Variants in KIAA1958 observed in about 807,000 individuals in gnomAD.
KIAA1958 encodes the protein KIAA1958.
A neutral mutation model predicts 47.2 loss-of-function variants in KIAA1958; 14 were observed. The ratio of observed to expected loss-of-function variants is 0.30; its 90% confidence interval spans 0.20 to 0.46. The LOEUF (loss-of-function observed/expected upper bound fraction) is 0.46. KIAA1958 is among the 20% of genes least tolerant of loss of function. KIAA1958 has a pLI of 1.00. For synonymous variants in KIAA1958, 354 were observed against 353.3 expected (o/e 1.00, Z -0.02); for missense variants, 803 against 909.2 (o/e 0.88, Z 1.50).
intron 1 of KIAA1958, among the ~76,000 whole-genome samples, chr9:112,571,843 AAAG>A (rs748018790): frequency 6.1e-4 from 89 of 146,348 alleles, no homozygotes; most frequent in Non-Finnish European, 1.1e-3. Context: ...TAAAAAATAA[AAAG>A]AAATAAAATA....
At chr9:112,632,929 AAG>A (rs1272755005) in intron 2 of KIAA1958, among the ~76,000 whole-genome samples, 2 of 151,470 alleles carry the variant, frequency 1.3e-5, no homozygotes, top group Middle Eastern at 3.2e-3. Context: ...TTTTTAAAAA[AAG>A]AGCCATTTAG....
chr9:112,617,541 G>A (rs985594871), intron 2 of KIAA1958, among the ~76,000 whole-genome samples: 9 of 152,196 alleles, frequency 5.9e-5, no homozygotes, highest in African/African-American at 1.9e-4. Flanking sequence ...AGGATAAATA[G>A]CACATTTCTG....
intron 1 of KIAA1958, among the ~76,000 whole-genome samples, chr9:112,529,848 T>G (rs1231576520): frequency 6.6e-6 from 1 of 152,046 alleles, no homozygotes. Flanking sequence ...CTTACTTTTT[T>G]TTTTTCTTTT....
chr9:112,489,809 G>A (rs765861598), intron 1 of KIAA1958, among the ~76,000 whole-genome samples: 1 of 152,060 alleles, frequency 6.6e-6, no homozygotes, highest in Non-Finnish European at 1.5e-5. Flanking sequence ...TAAAATCCAT[G>A]GACTTTTCTA....
rs1480173155 is a variant in KIAA1958 at position 112,618,430 on chromosome 9, G to A, written c.1172-27220G>A. 5 of 1,551,152 alleles carry A rather than the reference G, an allele frequency of 3.2e-6. No individual in the cohort carries two copies. The highest frequency in any genetic ancestry group is 2.0e-5 in the Admixed American group (1 of 51,008). On this transcript the variant is annotated intron_variant, in intron 2 of 3. Coordinates refer to ENST00000337530, the MANE Select transcript of KIAA1958 (RefSeq NM_133465.4). This position sits in a 1 kb window ranked among gnomAD's most constrained non-coding sequence, Gnocchi z 7.1. Reference sequence around the variant, plus strand: ...ATATCCGGCTCCGGGTAACAGAGACGGGTCTCGAGTACTTGGAGTGGATGG... The same window carrying A: ...ATATCCGGCTCCGGGTAACAGAGACAGGTCTCGAGTACTTGGAGTGGATGG...
rs370747857 is a variant in KIAA1958 at position 112,659,292 on chromosome 9, C to T, written c.1374C>T (p.Leu458=). ...CTGCAGTGAAGTTGAACGAGCTGCTCGAGAACTTTTATGTCACCGTCAAGA... is the reference window on the plus strand; with the variant it reads ...CTGCAGTGAAGTTGAACGAGCTGCTTGAGAACTTTTATGTCACCGTCAAGA... The part of the protein sequence containing the change: ...KIPAVKLNEL[L]ENFYVTVKKS... The change falls in exon 4 of 4, where the codon CTC becomes CTT. Residue 458 remains leucine, a synonymous_variant. Transcript: ENST00000337530. The T allele has an allele frequency of 3.7e-5, 60 of 1,613,200 alleles. No homozygotes were observed. Among genetic ancestry groups the T allele is most frequent in the Admixed American group, 3.0e-4 (18 of 59,970 alleles).
intron 2 of KIAA1958, among the ~76,000 whole-genome samples, chr9:112,592,186 G>A (rs1393979934): frequency 6.6e-6 from 1 of 152,156 alleles, no homozygotes; most frequent in African/African-American, 2.4e-5. Context: ...GTTGCTTTAC[G>A]AGGAAGTTAA....
chr9:112,631,909 G>A (rs1216032931), intron 2 of KIAA1958, among the ~76,000 whole-genome samples: 2 of 152,094 alleles, frequency 1.3e-5, no homozygotes, highest in Admixed American at 1.3e-4. Context: ...TTTGTTTCCA[G>A]TTTTTTGCTT....
chr9:112,542,789 T>C (rs1834964768), intron 1 of KIAA1958, among the ~76,000 whole-genome samples: 1 of 151,814 alleles, frequency 6.6e-6, no homozygotes, highest in South Asian at 2.1e-4. Context: ...GGCTGAGTGT[T>C]CAGAACAGAC....
chr9:112,570,199 A>G (rs1466117605), intron 1 of KIAA1958, among the ~76,000 whole-genome samples: 1 of 152,248 alleles, frequency 6.6e-6, no homozygotes, highest in Admixed American at 6.5e-5. Context: ...GTTTTTTAAC[A>G]TTGAAGAACC....
intron 1 of KIAA1958, among the ~76,000 whole-genome samples, chr9:112,556,649 T>C (rs1241346026): frequency 2.0e-5 from 3 of 152,206 alleles, no homozygotes; most frequent in Non-Finnish European, 4.4e-5. Context: ...TAGGTTTCTT[T>C]AGTGAACTAG....
intron 2 of KIAA1958, among the ~76,000 whole-genome samples, chr9:112,593,546 G>A (rs1835963345): frequency 6.6e-6 from 1 of 152,070 alleles, no homozygotes; most frequent in Admixed American, 6.6e-5. Flanking sequence ...GGGATGGAGG[G>A]GTGCAGTGGG....
intron 2 of KIAA1958, among the ~76,000 whole-genome samples, chr9:112,606,219 G>A (rs1218955242): frequency 6.6e-6 from 1 of 152,210 alleles, no homozygotes; most frequent in African/African-American, 2.4e-5. Context: ...GGATGGGCAA[G>A]TTTGGGGACA....
chr9:112,660,085 C>T lies in KIAA1958; in HGVS notation c.*16C>T, dbSNP rs1301783161. 10 of 1,605,828 alleles carry T rather than the reference C, an allele frequency of 6.2e-6. 2 individuals carry two copies. In the South Asian group the frequency reaches 7.7e-5, roughly 12 times the overall value. ...CTGCCAGTGAGCCCCCACTGGGGCC[C>T]GGCCACTGCCCTGTCACCTGCTCGG... On this transcript the variant is annotated 3_prime_UTR_variant, in exon 4 of 4. Coordinates refer to ENST00000337530, the MANE Select transcript of KIAA1958 (RefSeq NM_133465.4).
chr9:112,614,891 A>G (rs911943923), intron 2 of KIAA1958, among the ~76,000 whole-genome samples: 2 of 152,180 alleles, frequency 1.3e-5, no homozygotes, highest in African/African-American at 4.8e-5. Context: ...GCAGGTGACA[A>G]CATCCACACC....
intron 1 of KIAA1958, among the ~76,000 whole-genome samples, chr9:112,509,757 C>A (rs190548872): frequency 1.3e-5 from 2 of 152,042 alleles, no homozygotes; most frequent in Non-Finnish European, 2.9e-5. Context: ...TGTTTGGTGC[C>A]CTCTGTGTTT....
chr9:112,543,590 G>A (rs1279367261), intron 1 of KIAA1958, among the ~76,000 whole-genome samples: 1 of 52,362 alleles, frequency 1.9e-5, no homozygotes, highest in Non-Finnish European at 3.9e-5. Context: ...TTTTTTTTTT[G>A]AGACCCAGTT....
chr9:112,581,311 C>T (rs766075834), intron 2 of KIAA1958, among the ~76,000 whole-genome samples: 1 of 151,990 alleles, frequency 6.6e-6, no homozygotes, highest in Admixed American at 6.6e-5. Flanking sequence ...GGATAATAGC[C>T]GCCTTTATTA....
intron 1 of KIAA1958, among the ~76,000 whole-genome samples, chr9:112,562,877 G>A (rs1309915684): frequency 3.3e-5 from 5 of 150,814 alleles, no homozygotes; most frequent in African/African-American, 1.2e-4. Flanking sequence ...TGTCATCTAG[G>A]CTGTTCTCAA....
Sources: allele counts gnomAD v4.1 joint callset (sites outside exome capture counted in the v4.1 genomes callset), GRCh38; gene constraint gnomAD v4.1.1; non-coding constraint Gnocchi (gnomAD v3.1); transcripts MANE v1.5; gene names NCBI Gene and HGNC (gene_info 2026-07-23, HGNC 2026-07-21).